ATXN10: variants seen among roughly 807,000 people sequenced by gnomAD.
ATXN10 encodes the protein ataxin 10, also known as ataxin-10.
ATXN10 carries 28 observed loss-of-function variants against 52.9 expected under a neutral mutation model. That is an observed-to-expected ratio of 0.53 (90% CI 0.39 to 0.73). ATXN10 has a LOEUF of 0.73. Ranked by LOEUF, ATXN10 falls within the 30% of genes least tolerant of loss-of-function variation. The pLI is 0.00. For synonymous variants in ATXN10, 226 were observed against 221.5 expected (o/e 1.02, Z -0.18); for missense variants, 565 against 577.0 (o/e 0.98, Z 0.21).
At chr22:45,703,548 C>T (rs771875969) in intron 5 of ATXN10, among the ~76,000 whole-genome samples, 5 of 152,198 alleles carry the variant, frequency 3.3e-5, no homozygotes, top group Non-Finnish European at 5.9e-5. Flanking sequence ...GGCGCACACA[C>T]AGTCCAAGGC....
At position 45,824,698 on chromosome 22, in the gene ATXN10, T is replaced by C. The variant is rs1000788403; in HGVS notation, c.1237+17676T>C. On this transcript the variant is annotated intron_variant, in intron 10 of 11. Coordinates refer to ENST00000252934, the MANE Select transcript of ATXN10 (RefSeq NM_013236.4). This position sits in a 1 kb window ranked among gnomAD's most constrained non-coding sequence, Gnocchi z 5.2. ...TATGGTGGCAGCTAGAAAACAAATT[T>C]GTATTGATAACTGAATTGATAGAGG... Among the ~76,000 whole-genome samples the C allele has an allele frequency of 1.3e-5, 2 of 152,234 alleles. No individual in the cohort carries two copies. The highest frequency in any genetic ancestry group is 4.1e-4 in the South Asian group (2 of 4,830).
intron 2 of ATXN10, among the ~76,000 whole-genome samples, chr22:45,691,370 G>A (rs974778087): frequency 6.6e-5 from 10 of 152,234 alleles, no homozygotes; most frequent in Non-Finnish European, 1.5e-4. Context: ...TCGGCATTGG[G>A]CTTTGTCCCA....
At chr22:45,760,621 G>A (rs1926351332) in intron 9 of ATXN10, 1 of 154,114 alleles carries the variant, frequency 6.5e-6, no homozygotes, top group African/African-American at 2.4e-5. Flanking sequence ...TACAGCAATA[G>A]TAGTTGCTTA....
At chr22:45,717,573 A>C (rs987936013) in intron 5 of ATXN10, among the ~76,000 whole-genome samples, 1 of 152,208 alleles carries the variant, frequency 6.6e-6, no homozygotes, top group African/African-American at 2.4e-5. Context: ...TAGAGGAAAT[A>C]GAATATGTAT....
intron 10 of ATXN10, among the ~76,000 whole-genome samples, chr22:45,817,318 C>CTTTTTT (rs11326332): frequency 1.0e-5 from 1 of 98,710 alleles, no homozygotes; most frequent in Non-Finnish European, 2.0e-5. Flanking sequence ...ATTGATTTAA[C>CTTTTTT]TTTTTTTTTT....
chr22:45,722,330 C>A (rs980215768), intron 6 of ATXN10, among the ~76,000 whole-genome samples: 1 of 152,134 alleles, frequency 6.6e-6, no homozygotes, highest in Non-Finnish European at 1.5e-5. Context: ...ACCCGTATAC[C>A]AGACTAAAGA....
intron 9 of ATXN10, among the ~76,000 whole-genome samples, chr22:45,765,562 C>T (rs1926552872): frequency 6.6e-6 from 1 of 152,164 alleles, no homozygotes; most frequent in Admixed American, 6.5e-5. Flanking sequence ...TGCACCTTGG[C>T]ATTACCTAAG....
intron 9 of ATXN10, among the ~76,000 whole-genome samples, chr22:45,751,757 A>C (rs1224728341): frequency 3.1e-5 from 2 of 63,994 alleles, no homozygotes; most frequent in Admixed American, 1.6e-4. Context: ...AAAAAAAATA[A>C]AAAAAAAATA....
Position 45,681,033 on chromosome 22 carries a change from C to T in ATXN10, c.117-8679C>T, listed in dbSNP as rs6006795. ...ATTGCTGCTTTCAGACCTTTTTCCT[C>T]CATAGACCACTCCAACTTTTAATCT... On this transcript the variant is annotated intron_variant, in intron 1 of 11. Coordinates refer to ENST00000252934, the MANE Select transcript of ATXN10 (RefSeq NM_013236.4). This position sits in a 1 kb window ranked among gnomAD's most constrained non-coding sequence, Gnocchi z 4.2. Among the ~76,000 whole-genome samples, 3,444 of 152,208 alleles carry T rather than the reference C, an allele frequency of 0.023. 129 individuals carry two copies. Among genetic ancestry groups the T allele is most frequent in the African/African-American group, 0.079 (3,264 of 41,512 alleles).
rs1176293271 is a variant in ATXN10, at chr22:45,790,773, C to T, written c.1174-16186C>T. On this transcript the variant is annotated intron_variant, in intron 9 of 11. Transcript: ENST00000252934. This position sits in a 1 kb window ranked among gnomAD's most constrained non-coding sequence, Gnocchi z 4.7. ...ACACTTCACTGTAAGTGTGTTAGAACACAGTGCGTTTTCATTCCTCTTTAT... is the reference window on the plus strand; with the variant it reads ...ACACTTCACTGTAAGTGTGTTAGAATACAGTGCGTTTTCATTCCTCTTTAT... Among the ~76,000 whole-genome samples, 1 of 152,196 alleles carries T rather than the reference C, an allele frequency of 6.6e-6. No individual in the cohort carries two copies. Among genetic ancestry groups the T allele is most frequent in the Admixed American group, 6.5e-5 (1 of 15,282 alleles).
intron 8 of ATXN10, 135 bp downstream of exon 8, chr22:45,738,974 T>G: frequency 1.1e-5 from 9 of 792,866 alleles, no homozygotes; most frequent in Non-Finnish European, 1.9e-5. Flanking sequence ...TTGAGAGGAA[T>G]CACAGTGTTG....
At chr22:45,689,094 C>G (rs1398781129) in intron 1 of ATXN10, among the ~76,000 whole-genome samples, 1 of 152,210 alleles carries the variant, frequency 6.6e-6, no homozygotes, top group African/African-American at 2.4e-5. Context: ...TCCTTTCTCT[C>G]CCATCTATGT....
intron 9 of ATXN10, among the ~76,000 whole-genome samples, chr22:45,776,159 A>G (rs74852502): frequency 6.6e-6 from 1 of 152,188 alleles, no homozygotes; most frequent in Non-Finnish European, 1.5e-5. Flanking sequence ...TTTGCAGAAT[A>G]AAAAAACACC....
intron 9 of ATXN10, among the ~76,000 whole-genome samples, chr22:45,778,070 T>C (rs1340172518): frequency 6.6e-6 from 1 of 152,246 alleles, no homozygotes; most frequent in Non-Finnish European, 1.5e-5. Flanking sequence ...GTAGTTGCAG[T>C]GGAGACCGTA....
rs1923236950 is a variant in ATXN10 at position 45,688,520 on chromosome 22, G to T, written c.117-1192G>T. Among the ~76,000 whole-genome samples, 1 of 152,176 alleles carries T rather than the reference G, an allele frequency of 6.6e-6. No individual in the cohort carries two copies. Among genetic ancestry groups the T allele is most frequent in the African/African-American group, 2.4e-5 (1 of 41,450 alleles). ...TGTGAGTTCTATTGTCTGTTCGTAA[G>T]ATAAAAACACACATCACTTGGTGTA... On this transcript the variant is annotated intron_variant, in intron 1 of 11. Coordinates refer to ENST00000252934, the MANE Select transcript of ATXN10 (RefSeq NM_013236.4). This position sits in a 1 kb window ranked among gnomAD's most constrained non-coding sequence, Gnocchi z 4.0.
In ATXN10 at chr22:45,715,724, A is replaced by G. The variant is rs1924420784; in HGVS notation, c.648-2689A>G. 6.6e-6 allele frequency among the ~76,000 whole-genome samples: 1 copy of G among 152,164 alleles called. No individual in the cohort carries two copies. The highest frequency in any genetic ancestry group is 6.5e-5 in the Admixed American group (1 of 15,278). On this transcript the variant is annotated intron_variant, in intron 5 of 11. Coordinates refer to ENST00000252934, the MANE Select transcript of ATXN10 (RefSeq NM_013236.4). This position sits in a 1 kb window ranked among gnomAD's most constrained non-coding sequence, Gnocchi z 4.4. ...TATAGACCTTCCCTTAGTACTTCCA[A>G]ACTCCACTTTCTTTTCACCTGCATG...
chr22:45,838,392 A>G (rs1387839909), intron 10 of ATXN10, among the ~76,000 whole-genome samples: 1 of 152,202 alleles, frequency 6.6e-6, no homozygotes, highest in Admixed American at 6.5e-5. Flanking sequence ...AGAGCTGGCC[A>G]GCACTATCAA....
At position 45,843,241 on chromosome 22, in the gene ATXN10, A is replaced by G. The variant is rs1929407362; in HGVS notation, c.1425+63A>G. 3 of 1,545,292 alleles carry G rather than the reference A, an allele frequency of 1.9e-6. No homozygotes were observed. Among genetic ancestry groups the G allele is most frequent in the Middle Eastern group, 2.0e-4 (1 of 5,106 alleles). On this transcript the variant is annotated intron_variant, in intron 11 of 11. Coordinates refer to ENST00000252934, the MANE Select transcript of ATXN10 (RefSeq NM_013236.4). This position sits in a 1 kb window ranked among gnomAD's most constrained non-coding sequence, Gnocchi z 4.5. ...TGTAGAAAGCTGTTTCCACTTCCCC[A>G]TTGCTTCAAGCACGAGGCTCTTTGT...
intron 5 of ATXN10, among the ~76,000 whole-genome samples, chr22:45,711,346 G>A (rs1209268442): frequency 1.3e-5 from 2 of 152,180 alleles, no homozygotes; most frequent in African/African-American, 2.4e-5. Context: ...ATGGAGAACG[G>A]ATTAGTGGTT....
Sources: gnomAD v4.1 joint callset for allele counts (sites outside exome capture counted in the v4.1 genomes callset) on GRCh38, gnomAD v4.1.1 for gene constraint, Gnocchi (gnomAD v3.1) non-coding constraint, MANE v1.5 for transcripts, NCBI Gene and HGNC (gene_info 2026-07-23, HGNC 2026-07-21) for gene names.